ADGRB1: variants seen among roughly 807,000 people sequenced by gnomAD.
ADGRB1 encodes the protein brain-specific angiogenesis inhibitor 1.
In ADGRB1, 36 loss-of-function variants were observed where a neutral mutation model predicts 175.7. That is an observed-to-expected ratio of 0.20 (90% CI 0.16 to 0.27). The LOEUF is 0.27. ADGRB1 is among the 10% of genes least tolerant of loss of function. ADGRB1 has a pLI of 1.00. For synonymous variants in ADGRB1, 1,054 were observed against 979.4 expected, an observed-to-expected ratio of 1.08 and a Z score of -1.42; for missense variants, 1,731 against 2,255.3, an observed-to-expected ratio of 0.77 and a Z score of 4.71.
Position 142,542,600 on chromosome 8 carries a change from A to G in ADGRB1, c.4366A>G (p.Ser1456Gly), listed in dbSNP as rs1259714214. 1.3e-6 allele frequency: 2 copies of G among 1,543,098 alleles called. No individual in the cohort carries two copies. The highest frequency in any genetic ancestry group is 8.7e-7 in the Non-Finnish European group (1 of 1,143,924). The change falls in exon 28 of 31, where the codon AGC becomes GGC. Residue 1456 changes from serine to glycine, a missense_variant. Transcript: ENST00000517894. This position sits in a 1 kb window ranked among gnomAD's most constrained non-coding sequence, Gnocchi z 6.3. The stretch of plus-strand genomic sequence containing the variant: ...CCATCCGGGACCCAGCACGGGGCCC[A>G]GCACCAAGAACGAGAATGTCGCCAC... The part of the protein sequence containing the change: ...AAHPGPSTGP[S>G]TKNENVATLS...
intron 8 of ADGRB1, 84 bp downstream of exon 8, chr8:142,479,571 T>A: frequency 1.3e-6 from 2 of 1,518,056 alleles, no homozygotes; most frequent in Non-Finnish European, 1.8e-6. Flanking sequence ...ACCCACGTGG[T>A]GTGTTGGGGG....
At chr8:142,508,666 G>A (rs958518304) in intron 17 of ADGRB1, among the ~76,000 whole-genome samples, 7 of 152,242 alleles carry the variant, frequency 4.6e-5, no homozygotes, top group Non-Finnish European at 7.3e-5. Flanking sequence ...AAGTGTGGAG[G>A]ATGGCTGCCC....
rs142229363 is a variant in ADGRB1, at chr8:142,532,328, G to A, written c.3399-967G>A. On this transcript the variant is annotated intron_variant, in intron 24 of 30. Coordinates refer to ENST00000517894, the MANE Select transcript of ADGRB1 (RefSeq NM_001702.3). The stretch of plus-strand genomic sequence containing the variant: ...AAGCAGGTTGGTGTCCCCACTGTGA[G>A]CAGGAGAGCACAGGCTCAGAGGCCA... 3.6e-3 allele frequency among the ~76,000 whole-genome samples: 544 copies of A among 152,314 alleles called. 4 individuals carry two copies. Among genetic ancestry groups the A allele is most frequent in the African/African-American group, 0.013 (529 of 41,558 alleles).
intron 25 of ADGRB1, among the ~76,000 whole-genome samples, chr8:142,536,327 G>A (rs1403386177): frequency 1.3e-5 from 2 of 152,134 alleles, no homozygotes; most frequent in Non-Finnish European, 1.5e-5. Flanking sequence ...GTTGGCATTC[G>A]TAGATGATGT....
intron 1 of ADGRB1, among the ~76,000 whole-genome samples, chr8:142,452,450 G>A (rs1839410131): frequency 6.6e-6 from 1 of 152,240 alleles, no homozygotes; most frequent in South Asian, 2.1e-4. Flanking sequence ...TAGGGAGGGG[G>A]CGCAGCCAAG....
chr8:142,521,781 G>T (rs921335311), intron 20 of ADGRB1, among the ~76,000 whole-genome samples, 184 bp from the exon 21 acceptor site: 1 of 152,230 alleles, frequency 6.6e-6, no homozygotes. Context: ...GGGCTTAGAT[G>T]GTCAACAATT....
chr8:142,540,584 T>G (rs1270804664), intron 27 of ADGRB1, among the ~76,000 whole-genome samples: 1 of 152,120 alleles, frequency 6.6e-6, no homozygotes, highest in African/African-American at 2.4e-5. Context: ...GAGCTTGGCT[T>G]TTATTGTGCC....
In ADGRB1 at chr8:142,510,526, C is replaced by T. The variant is rs1843033572; in HGVS notation, c.2676-406C>T. On this transcript the variant is annotated intron_variant, in intron 17 of 30. Transcript: ENST00000517894. This position sits in a 1 kb window ranked among gnomAD's most constrained non-coding sequence, Gnocchi z 6.3. Reference sequence around the variant, plus strand: ...GCACCCTCCCCGCTCCACGTGCGCCCACGCGCCCCTCCGGGCCTCCCCCTC... The same window carrying T: ...GCACCCTCCCCGCTCCACGTGCGCCTACGCGCCCCTCCGGGCCTCCCCCTC... 6.6e-6 allele frequency among the ~76,000 whole-genome samples: 1 copy of T among 150,528 alleles called. No individual in the cohort carries two copies. Among genetic ancestry groups the T allele is most frequent in the Admixed American group, 6.6e-5 (1 of 15,150 alleles).
chr8:142,538,986 A>G (rs1194342979), intron 26 of ADGRB1, among the ~76,000 whole-genome samples: 1 of 152,154 alleles, frequency 6.6e-6, no homozygotes, highest in African/African-American at 2.4e-5. Flanking sequence ...ACAGTCTCAC[A>G]CACACCTCAG....
rs549724109 is a variant in ADGRB1, at chr8:142,514,503, C to T, written c.2817+3430C>T. 6.6e-5 allele frequency among the ~76,000 whole-genome samples: 10 copies of T among 152,298 alleles called. No individual in the cohort carries two copies. The South Asian group carries it at 2.1e-3, about 32-fold the overall frequency. On this transcript the variant is annotated intron_variant, in intron 18 of 30. Transcript: ENST00000517894. ...ACTGAACTAGGTGATATATTTATGG[C>T]ACTTGACATAGTCTGGCGTGTAGTA...
intron 17 of ADGRB1, among the ~76,000 whole-genome samples, chr8:142,506,093 C>A: frequency 6.6e-6 from 1 of 152,198 alleles, no homozygotes; most frequent in East Asian, 1.9e-4. Flanking sequence ...GAGCAGCGTG[C>A]TGACTGAGCA....
chr8:142,529,098 T>A (rs1204335620), intron 24 of ADGRB1, among the ~76,000 whole-genome samples: 1 of 152,166 alleles, frequency 6.6e-6, no homozygotes, highest in African/African-American at 2.4e-5. Context: ...ACCCCCGCAG[T>A]TCTGTGGTGG....
intron 17 of ADGRB1, among the ~76,000 whole-genome samples, chr8:142,498,099 C>T (rs1842308939): frequency 6.6e-6 from 1 of 152,150 alleles, no homozygotes; most frequent in African/African-American, 2.4e-5. Context: ...CCCATCTGTC[C>T]CTGCCCAGTG....
chr8:142,517,388 G>T (rs1272040960), intron 18 of ADGRB1, among the ~76,000 whole-genome samples: 1 of 152,234 alleles, frequency 6.6e-6, no homozygotes, highest in East Asian at 1.9e-4. Flanking sequence ...ACACTCTCCT[G>T]CCTCTGAGCA....
chr8:142,465,127 C>G (rs1055577908), intron 2 of ADGRB1, 145 bp downstream of exon 2: 7 of 993,684 alleles, frequency 7.0e-6, no homozygotes, highest in Admixed American at 2.9e-5. Context: ...GGGAGGTGGA[C>G]CGGGGTCTTC....
At chr8:142,526,518 C>A in intron 23 of ADGRB1, 24 bp from the exon 24 acceptor site, 8 of 1,492,486 alleles carry the variant, frequency 5.4e-6, no homozygotes, top group Non-Finnish European at 5.5e-6. Context: ...CACCCCCACA[C>A]CCCCACCACT....
intron 26 of ADGRB1, 87 bp from the exon 27 acceptor site, chr8:142,539,287 C>A: frequency 7.2e-7 from 1 of 1,387,218 alleles, no homozygotes. Flanking sequence ...GCAGGAGCAC[C>A]GTGGCCCTCC....
intron 2 of ADGRB1, among the ~76,000 whole-genome samples, chr8:142,468,961 A>G (rs1233885933): frequency 6.6e-6 from 1 of 152,254 alleles, no homozygotes; most frequent in African/African-American, 2.4e-5. Context: ...AGTACCTGGG[A>G]GCAGCAGGCA....
At chr8:142,502,470 C>CGGTTGTGTGGTTTTGAGGATGGAGATTG (rs1563719312) in intron 17 of ADGRB1, among the ~76,000 whole-genome samples, 1 of 7,652 alleles carries the variant, frequency 1.3e-4, no homozygotes, top group African/African-American at 6.7e-4. Flanking sequence ...GCAGTCATCA[C>CGGTTGTGTGGTTTTGAGGATGGAGATTG]TGTGGTTTTG....
Sources: allele counts gnomAD v4.1 joint callset (sites outside exome capture counted in the v4.1 genomes callset), GRCh38; gene constraint gnomAD v4.1.1; non-coding constraint Gnocchi (gnomAD v3.1); transcripts MANE v1.5; gene names NCBI Gene and HGNC (gene_info 2026-07-23, HGNC 2026-07-21).